ICE1: variants seen among roughly 807,000 people sequenced by gnomAD.
ICE1 encodes the protein little elongation complex subunit 1.
In ICE1, 64 loss-of-function variants were observed where a neutral mutation model predicts 192.7. The ratio of observed to expected loss-of-function variants is 0.33; its 90% CI spans 0.27 to 0.41. The LOEUF is 0.41. ICE1 is among the 10% of genes least tolerant of loss of function. The probability of loss-of-function intolerance (pLI) is 1.00; values close to 1 mark genes in which losing one functional copy is unlikely to be tolerated. For missense variants in ICE1, 2,708 were observed against 2,696.0 expected, an observed-to-expected ratio of 1.00 and a Z score of -0.10; for synonymous variants, 1,010 against 984.5, an observed-to-expected ratio of 1.03 and a Z score of -0.49.
At chr5:5,447,363 A>G in intron 7 of ICE1, 64 bp from the exon 8 acceptor site, 1 of 982,828 alleles carries the variant, frequency 1.0e-6, no homozygotes, top group South Asian at 1.7e-5. Context: ...TGAGTATTTC[A>G]TTAACCACAG....
At chr5:5,448,727 G>T (rs1420536386) in intron 10 of ICE1, among the ~76,000 whole-genome samples, 1 of 152,114 alleles carries the variant, frequency 6.6e-6, no homozygotes, top group African/African-American at 2.4e-5. Flanking sequence ...GTCTCTTTTA[G>T]AAGTCACCTT....
chr5:5,485,136 T>C (rs1480574587), intron 17 of ICE1, among the ~76,000 whole-genome samples: 2 of 152,112 alleles, frequency 1.3e-5, no homozygotes, highest in African/African-American at 2.4e-5. Context: ...CTGTTAGTTA[T>C]TATTGAGAAC....
rs185221481 is a variant in ICE1, at chr5:5,447,664, C to T, written c.508-57C>T. 202 of 1,491,646 alleles carry T rather than the reference C, an allele frequency of 1.4e-4. 2 individuals are homozygous for T. The African/African-American group carries it at 2.7e-3, about 20-fold the overall frequency. 92.4% of individuals were successfully genotyped at this position (1,491,646 alleles called of 1,614,324 possible). A position where few individuals can be genotyped will look rare whatever the true frequency, so the allele number is the denominator to read the frequency against. On this transcript the variant is annotated intron_variant, in intron 8 of 18. Coordinates refer to ENST00000296564, the MANE Select transcript of ICE1 (RefSeq NM_015325.3). ...AAGTTGCACCTGTTTTACATTTGGTCTAGAATGGCTGCACTTCTTATTCAG... is the reference window on the plus strand; with the variant it reads ...AAGTTGCACCTGTTTTACATTTGGTTTAGAATGGCTGCACTTCTTATTCAG...
At chr5:5,424,198 G>A (rs1286282189) in intron 1 of ICE1, among the ~76,000 whole-genome samples, 1 of 152,154 alleles carries the variant, frequency 6.6e-6, no homozygotes, top group Non-Finnish European at 1.5e-5. Flanking sequence ...TGCAGGCTAG[G>A]TAGGCCATGC....
chr5:5,483,619 A>C (rs1739565880), intron 17 of ICE1, among the ~76,000 whole-genome samples: 1 of 152,200 alleles, frequency 6.6e-6, no homozygotes, highest in Admixed American at 6.5e-5. Flanking sequence ...CTCTGAGGCC[A>C]TCCAGTGGAA....
intron 1 of ICE1, among the ~76,000 whole-genome samples, chr5:5,434,194 A>G (rs147292616): frequency 6.6e-6 from 1 of 152,352 alleles, no homozygotes; most frequent in African/African-American, 2.4e-5. Context: ...GTTTCATAAC[A>G]TGATTAAAGG....
At position 5,460,927 on chromosome 5, in the gene ICE1, T is replaced by G. The variant is rs781339453; in HGVS notation, c.1593T>G (p.Cys531Trp). 1.9e-5 allele frequency: 31 copies of G among 1,613,566 alleles called. No homozygotes were observed. The highest frequency in any genetic ancestry group is 5.3e-5 in the African/African-American group (4 of 74,926). ...CTGCCCCTGGGAAGTCTGAGTTGTG[T>G]TCTTCTCCCCTTGGCAAAAGGCCAT... Reference protein sequence around the residue: ...KEAAPGKSELCSSPLGKRPLN... With the variant: ...KEAAPGKSELWSSPLGKRPLN... Residue 531 changes from cysteine to tryptophan, a missense_variant, in exon 13 of 19, where the codon TGT (cysteine) becomes TGG (tryptophan). Around this residue, in one of 2 missense-constraint regions of ICE1, gnomAD observed 2,366 missense variants for 2,276.6 expected, o/e 1.04. Coordinates refer to ENST00000296564, the MANE Select transcript of ICE1 (RefSeq NM_015325.3).
intron 18 of ICE1, among the ~76,000 whole-genome samples, chr5:5,488,854 C>G (rs16900246): frequency 0.051 from 7,743 of 152,152 alleles, 644 homozygotes; most frequent in East Asian, 0.35. Context: ...GAAGCTCAGT[C>G]GTGGCCGTGG....
At chr5:5,460,042 A>G (rs1338641603) in intron 12 of ICE1, among the ~76,000 whole-genome samples, 1 of 152,088 alleles carries the variant, frequency 6.6e-6, no homozygotes, top group Non-Finnish European at 1.5e-5. Flanking sequence ...CCAGAGAGAG[A>G]GGAAATAGAG....
At chr5:5,452,031 A>C (rs1383420776) in intron 10 of ICE1, among the ~76,000 whole-genome samples, 5 of 152,138 alleles carry the variant, frequency 3.3e-5, no homozygotes, top group Non-Finnish European at 7.4e-5. Context: ...GATCATCTCA[A>C]TTCAGCACGT....
At chr5:5,466,192 A>G (rs982229797) in intron 13 of ICE1, 142 bp from the exon 14 acceptor site, 5 of 652,750 alleles carry the variant, frequency 7.7e-6, no homozygotes, top group Non-Finnish European at 1.2e-5. Flanking sequence ...AGTTCTTACC[A>G]GTTACTATGC....
intron 17 of ICE1, among the ~76,000 whole-genome samples, chr5:5,482,779 C>T (rs1739541275): frequency 8.1e-6 from 1 of 123,878 alleles, no homozygotes; most frequent in African/African-American, 4.1e-5. Flanking sequence ...CCCCCCAACA[C>T]ACACACACAC....
intron 17 of ICE1, among the ~76,000 whole-genome samples, chr5:5,477,161 T>G (rs549110006): frequency 3.2e-4 from 48 of 152,084 alleles, no homozygotes; most frequent in Non-Finnish European, 5.3e-4. Flanking sequence ...GAAAGATCTC[T>G]TAGACAGAAA....
At chr5:5,427,226 A>T (rs1213308605) in intron 1 of ICE1, among the ~76,000 whole-genome samples, 2 of 152,182 alleles carry the variant, frequency 1.3e-5, no homozygotes, top group Non-Finnish European at 1.5e-5. Flanking sequence ...CTGTTTTGTT[A>T]CGCTCATTGA....
In ICE1 at chr5:5,464,400, G is replaced by T; in HGVS notation, c.5066G>T (p.Arg1689Ile). Residue 1689 changes from arginine (R) to isoleucine (I), a missense_variant, in exon 13 of 19, where the codon AGA (arginine) becomes ATA (isoleucine). Around this residue, in one of 2 missense-constraint regions of ICE1, gnomAD observed 2,366 missense variants for 2,276.6 expected, o/e 1.04. Coordinates refer to ENST00000296564, the MANE Select transcript of ICE1 (RefSeq NM_015325.3). This position sits in a 1 kb window ranked among gnomAD's most constrained non-coding sequence, Gnocchi z 4.0. ...PAMSPWPEDP[R>I]RASPPDPSPS... Reference sequence around the variant, plus strand: ...ATGTCTCCATGGCCAGAGGACCCCAGACGTGCCTCTCCTCCAGATCCTTCT... The same window carrying T: ...ATGTCTCCATGGCCAGAGGACCCCATACGTGCCTCTCCTCCAGATCCTTCT... The T allele has an allele frequency of 1.2e-6, 2 of 1,613,828 alleles. No homozygotes were observed. Among genetic ancestry groups the T allele is most frequent in the Non-Finnish European group, 1.7e-6 (2 of 1,179,860 alleles).
intron 3 of ICE1, chr5:5,437,569 C>T (rs993085879): frequency 2.6e-5 from 4 of 156,082 alleles, no homozygotes; most frequent in African/African-American, 7.2e-5. Context: ...ATATATATCT[C>T]CAAAATCATA....
At chr5:5,432,730 T>G (rs1340483933) in intron 1 of ICE1, among the ~76,000 whole-genome samples, 2 of 152,220 alleles carry the variant, frequency 1.3e-5, no homozygotes, top group Non-Finnish European at 2.9e-5. Context: ...CATTTTTAAT[T>G]TTTAAGTTTT....
chr5:5,473,493 T>A (rs1739224885), intron 15 of ICE1, 65 bp from the exon 16 acceptor site: 8 of 1,363,312 alleles, frequency 5.9e-6, no homozygotes, highest in Non-Finnish European at 8.1e-6. Flanking sequence ...GTCTTTTAGA[T>A]AACTAAGGTA....
At chr5:5,478,841 A>G (rs1739415840) in intron 17 of ICE1, among the ~76,000 whole-genome samples, 1 of 152,206 alleles carries the variant, frequency 6.6e-6, no homozygotes. Context: ...AAAACAAGCA[A>G]CGGGAAAAGG....
Sources: allele counts gnomAD v4.1 joint callset (sites outside exome capture counted in the v4.1 genomes callset), GRCh38; gene constraint gnomAD v4.1.1; regional missense constraint gnomAD v4.1.1; non-coding constraint Gnocchi (gnomAD v3.1); transcripts MANE v1.5; gene names NCBI Gene and HGNC (gene_info 2026-07-23, HGNC 2026-07-21).